The following TCERG1L variants were observed in gnomAD, a reference collection of about 807,000 sequenced individuals.
TCERG1L encodes the protein transcription elongation regulator 1 like.
A neutral mutation model predicts 56.3 loss-of-function variants in TCERG1L; 37 were observed. The observed-to-expected ratio is 0.66, with a 90% CI of 0.51 to 0.87. The LOEUF is 0.87. Ranked by LOEUF, TCERG1L falls within the 40% of genes least tolerant of loss-of-function variation. The pLI, the probability that TCERG1L is intolerant of heterozygous loss-of-function variation, is 0.00. For synonymous variants in TCERG1L, 324 were observed against 326.3 expected, an observed-to-expected ratio of 0.99 and a Z score of 0.08; for missense variants, 799 against 774.2, an observed-to-expected ratio of 1.03 and a Z score of -0.38.
At position 131,146,567 on chromosome 10, in the gene TCERG1L, G is replaced by A. The variant is rs761953296; in HGVS notation, c.1128C>T (p.Arg376=). Residue 376 remains arginine (R), a synonymous_variant, in exon 7 of 12, where the codon CGC becomes CGT. Transcript: ENST00000368642. ...VWEKPMDLKD[R]GDLNRIIEDP... ...CCTCAATGATCCTGTTGAGGTCTCC[G>A]CGGTCCTTCAGGTCCATGGGCTTCT... 30 of 1,613,804 alleles carry A rather than the reference G, an allele frequency of 1.9e-5. 2 individuals carry two copies. The highest frequency in any genetic ancestry group is 1.8e-4 in the South Asian group (16 of 91,076).
chr10:131,248,179 GACAC>G (rs778308912), intron 4 of TCERG1L, among the ~76,000 whole-genome samples: 11 of 147,432 alleles, frequency 7.5e-5, no homozygotes, highest in East Asian at 2.0e-4. Context: ...ACACCCACAT[GACAC>G]ACACAAACAC....
chr10:131,253,257 C>T (rs1846130710), intron 4 of TCERG1L, among the ~76,000 whole-genome samples: 1 of 152,168 alleles, frequency 6.6e-6, no homozygotes. Context: ...GTGGGACTGA[C>T]AATGGTGCAG....
At chr10:131,140,893 G>C (rs1024225401) in intron 7 of TCERG1L, among the ~76,000 whole-genome samples, 1 of 152,218 alleles carries the variant, frequency 6.6e-6, no homozygotes, top group Non-Finnish European at 1.5e-5. Context: ...AGGCCTGGCT[G>C]TGCAGGGGCC....
intron 4 of TCERG1L, among the ~76,000 whole-genome samples, chr10:131,179,251 T>G (rs1845144429): frequency 6.6e-6 from 1 of 152,232 alleles, no homozygotes; most frequent in African/African-American, 2.4e-5. Context: ...GGGCAGCACC[T>G]GTGTGTTTCC....
At chr10:131,140,912 T>C (rs1332236219) in intron 7 of TCERG1L, among the ~76,000 whole-genome samples, 2 of 152,108 alleles carry the variant, frequency 1.3e-5, no homozygotes, top group Non-Finnish European at 2.9e-5. Flanking sequence ...CCGGGTTTGA[T>C]CCACCCCACT....
intron 8 of TCERG1L, among the ~76,000 whole-genome samples, chr10:131,131,467 G>T (rs966574193): frequency 6.6e-6 from 1 of 152,178 alleles, no homozygotes; most frequent in Non-Finnish European, 1.5e-5. Context: ...CAGGGAAGAT[G>T]CATCGTCTTC....
intron 9 of TCERG1L, among the ~76,000 whole-genome samples, chr10:131,113,880 GT>G (rs1156364122): frequency 7.0e-6 from 1 of 142,592 alleles, no homozygotes; most frequent in Admixed American, 6.9e-5. Flanking sequence ...TCTCTAATGT[GT>G]TTACCTAAGC....
intron 7 of TCERG1L, among the ~76,000 whole-genome samples, chr10:131,135,396 G>A (rs897430667): frequency 6.6e-6 from 1 of 152,178 alleles, no homozygotes; most frequent in Non-Finnish European, 1.5e-5. Flanking sequence ...AGCTCAGGAT[G>A]AGCCCAGAGT....
At chr10:131,230,292 G>A (rs893322918) in intron 4 of TCERG1L, among the ~76,000 whole-genome samples, 8 of 152,248 alleles carry the variant, frequency 5.3e-5, no homozygotes, top group African/African-American at 1.9e-4. Flanking sequence ...CCTCCTGGGT[G>A]CACTATTCTG....
intron 3 of TCERG1L, among the ~76,000 whole-genome samples, chr10:131,293,845 A>G (rs1271136429): frequency 6.6e-6 from 1 of 152,164 alleles, no homozygotes; most frequent in African/African-American, 2.4e-5. Flanking sequence ...AATTTTATTT[A>G]TGAGTTTATA....
intron 7 of TCERG1L, among the ~76,000 whole-genome samples, chr10:131,145,077 C>T (rs1341762416): frequency 6.6e-6 from 1 of 152,178 alleles, no homozygotes; most frequent in Non-Finnish European, 1.5e-5. Context: ...GAAACAGCAC[C>T]AAATTATCTA....
chr10:131,201,534 T>TA (rs1845434867), intron 4 of TCERG1L, among the ~76,000 whole-genome samples: 1 of 152,168 alleles, frequency 6.6e-6, no homozygotes, highest in Non-Finnish European at 1.5e-5. Context: ...TTGCTTTACT[T>TA]ACTATTTTAA....
At chr10:131,108,667 C>A (rs1465623085) in intron 9 of TCERG1L, among the ~76,000 whole-genome samples, 1 of 152,228 alleles carries the variant, frequency 6.6e-6, no homozygotes, top group East Asian at 1.9e-4. Flanking sequence ...CCTCGGATCA[C>A]TCCCTGGGCT....
At chr10:131,304,606 A>T (rs1384539631) in intron 3 of TCERG1L, among the ~76,000 whole-genome samples, 3 of 152,064 alleles carry the variant, frequency 2.0e-5, no homozygotes, top group Non-Finnish European at 4.4e-5. Context: ...TCTGGGAATC[A>T]ATGGGTCCTA....
Position 131,116,193 on chromosome 10 carries a change from C to T in TCERG1L, c.1395+606G>A, listed in dbSNP as rs112090532. 8.4e-3 allele frequency among the ~76,000 whole-genome samples: 1,275 copies of T among 152,274 alleles called. 11 individuals carry two copies. Among genetic ancestry groups the T allele is most frequent in the African/African-American group, 0.028 (1,168 of 41,548 alleles). On this transcript the variant is annotated intron_variant, in intron 9 of 11. Coordinates refer to ENST00000368642, the MANE Select transcript of TCERG1L (RefSeq NM_174937.4). ...AGGAGATCTGAATACAAAATCCCCCCGACCCCCAAGTCAAAGTGAGATTTG... is the reference window on the plus strand; with the variant it reads ...AGGAGATCTGAATACAAAATCCCCCTGACCCCCAAGTCAAAGTGAGATTTG...
chr10:131,176,797 T>TGTACACAGAC (rs1846158942), intron 4 of TCERG1L, among the ~76,000 whole-genome samples: 2 of 10,404 alleles, frequency 1.9e-4, no homozygotes, highest in Non-Finnish European at 4.3e-4. Flanking sequence ...GAGATACACG[T>TGTACACAGAC]ACATACACAG....
intron 3 of TCERG1L, among the ~76,000 whole-genome samples, chr10:131,272,718 G>T (rs549615043): frequency 6.6e-6 from 1 of 152,306 alleles, no homozygotes; most frequent in East Asian, 1.9e-4. Context: ...CGTGGATGGG[G>T]GTAGAGCCCT....
At chr10:131,252,582 C>T (rs965722178) in intron 4 of TCERG1L, among the ~76,000 whole-genome samples, 2 of 152,098 alleles carry the variant, frequency 1.3e-5, no homozygotes, top group African/African-American at 4.8e-5. Flanking sequence ...GTGTTGGGAC[C>T]GGAAGACTCT....
intron 3 of TCERG1L, among the ~76,000 whole-genome samples, chr10:131,283,994 G>A (rs1846492566): frequency 6.6e-6 from 1 of 151,944 alleles, no homozygotes; most frequent in South Asian, 2.1e-4. Context: ...ATTGCAGTGG[G>A]CACCTGTAAT....
Sources: gnomAD v4.1 joint callset for allele counts (sites outside exome capture counted in the v4.1 genomes callset) on GRCh38, gnomAD v4.1.1 for gene constraint, MANE v1.5 for transcripts, NCBI Gene and HGNC (gene_info 2026-07-23, HGNC 2026-07-21) for gene names.